The following GART variants were observed in gnomAD, a reference collection of about 807,000 sequenced individuals.
GART encodes phosphoribosylglycinamide formyltransferase, phosphoribosylglycinamide synthetase, phosphoribosylaminoimidazole synthetase, also known as trifunctional purine biosynthetic protein adenosine-3.
GART carries 43 observed loss-of-function variants against 107.2 expected under a neutral mutation model. That is an observed-to-expected ratio of 0.40 (90% CI 0.31 to 0.52). The LOEUF is 0.52. Among genes scored for constraint, GART ranks in the 20% least tolerant of loss-of-function variants. GART has a pLI of 0.52. For missense variants in GART, 1,107 were observed against 1,206.5 expected, an observed-to-expected ratio of 0.92 and a Z score of 1.22; for synonymous variants, 434 against 427.0, an observed-to-expected ratio of 1.02 and a Z score of -0.20.
chr21:33,532,457 C>T lies in GART; in HGVS notation c.417-1G>A. On this transcript the variant is annotated splice_acceptor_variant, in intron 4 of 21. Transcript: ENST00000381815. LOFTEE classifies it high-confidence loss of function. Reference sequence around the variant, plus strand: ...CACAACCAAAGCAGGGAAGTCTGCACTGTAAAGACAGAGTAATCGTCAACA... The same window carrying T: ...CACAACCAAAGCAGGGAAGTCTGCATTGTAAAGACAGAGTAATCGTCAACA... 6.2e-7 allele frequency: 1 copy of T among 1,606,946 alleles called. No individual in the cohort carries two copies. Among genetic ancestry groups the T allele is most frequent in the Non-Finnish European group, 8.5e-7 (1 of 1,174,252 alleles).
intron 8 of GART, 77 bp downstream of exon 8, chr21:33,528,769 AAAAG>A: frequency 1.7e-6 from 2 of 1,205,316 alleles, no homozygotes; most frequent in Admixed American, 2.5e-5. Context: ...AAAAAAAAAA[AAAAG>A]GGAATGGAAA....
At chr21:33,507,773 A>G (rs2145676014) in intron 18 of GART, among the ~76,000 whole-genome samples, 1 of 152,328 alleles carries the variant, frequency 6.6e-6, no homozygotes, top group Non-Finnish European at 1.5e-5. Context: ...CGGAGTTTGC[A>G]GTGAGCCGAG....
intron 10 of GART, among the ~76,000 whole-genome samples, chr21:33,526,954 A>C (rs1055911584): frequency 6.6e-6 from 1 of 152,178 alleles, no homozygotes; most frequent in African/African-American, 2.4e-5. Flanking sequence ...TGTTTTTACA[A>C]CACAAAGCCA....
chr21:33,507,007 T>C (rs2084693874), intron 18 of GART, among the ~76,000 whole-genome samples: 1 of 151,978 alleles, frequency 6.6e-6, no homozygotes, highest in Non-Finnish European at 1.5e-5. Flanking sequence ...TGAAGGGTCC[T>C]CAAAAATTAA....
At chr21:33,520,641 A>G in intron 13 of GART, 79 bp from the exon 14 acceptor site, 1 of 1,244,324 alleles carries the variant, frequency 8.0e-7, no homozygotes, top group Non-Finnish European at 1.1e-6. Flanking sequence ...AGCTGCTCTT[A>G]ACACCTAAAA....
chr21:33,513,020 A>G (rs2084814440), intron 16 of GART, among the ~76,000 whole-genome samples: 1 of 150,918 alleles, frequency 6.6e-6, no homozygotes, highest in Admixed American at 6.6e-5. Flanking sequence ...GGTTCAAGCT[A>G]TTCTCATGCC....
rs2085317738 is a variant in GART, at chr21:33,536,923, C to G, written c.146-1603G>C. Among the ~76,000 whole-genome samples, 3 of 152,162 alleles carry G rather than the reference C, an allele frequency of 2.0e-5. No homozygotes were observed. The South Asian group carries it at 6.2e-4, about 32-fold the overall frequency. ...TTGGACTACAGCTGACTGTGGGTAACTGAAACTGTGGAAAGTAAAATTGTG... is the reference window on the plus strand; with the variant it reads ...TTGGACTACAGCTGACTGTGGGTAAGTGAAACTGTGGAAAGTAAAATTGTG... On this transcript the variant is annotated intron_variant, in intron 2 of 21. Transcript: ENST00000381815.
chr21:33,522,336 C>A, intron 11 of GART, 54 bp from the exon 12 acceptor site: 7 of 1,269,022 alleles, frequency 5.5e-6, no homozygotes, highest in Non-Finnish European at 6.8e-6. Context: ...TTATTTTAAT[C>A]TTAAAATATT....
intron 5 of GART, 94 bp downstream of exon 5, chr21:33,532,251 G>C: frequency 1.2e-6 from 1 of 837,542 alleles, no homozygotes; most frequent in Non-Finnish European, 2.0e-6. Flanking sequence ...TTGCAAAATA[G>C]ATTTTCCTTA....
chr21:33,526,042 T>G (rs2085068260), intron 10 of GART, among the ~76,000 whole-genome samples: 1 of 151,782 alleles, frequency 6.6e-6, no homozygotes, highest in Non-Finnish European at 1.5e-5. Context: ...GCTAATTTTT[T>G]GTATTTTTAG....
intron 18 of GART, among the ~76,000 whole-genome samples, chr21:33,507,595 C>T (rs2084704812): frequency 6.6e-6 from 1 of 152,114 alleles, no homozygotes; most frequent in Non-Finnish European, 1.5e-5. Flanking sequence ...CCAAGGCAGG[C>T]GGATCATACT....
At chr21:33,519,938 A>G (rs2084940707) in intron 14 of GART, among the ~76,000 whole-genome samples, 2 of 151,502 alleles carry the variant, frequency 1.3e-5, no homozygotes, top group South Asian at 4.2e-4. Flanking sequence ...TTGGGCGTAT[A>G]TTATTATTTA....
At chr21:33,528,968 AC>A in intron 7 of GART, 31 bp from the exon 8 acceptor site, 1 of 1,455,444 alleles carries the variant, frequency 6.9e-7, no homozygotes, top group Non-Finnish European at 9.6e-7. Context: ...GTTAAATGTA[AC>A]AGGTAACTTA....
chr21:33,522,369 A>G, intron 11 of GART, 87 bp from the exon 12 acceptor site: 1 of 1,058,832 alleles, frequency 9.4e-7, no homozygotes, highest in Non-Finnish European at 1.4e-6. Context: ...AGATATCCCA[A>G]GTGATTTTCA....
intron 6 of GART, 86 bp from the exon 7 acceptor site, chr21:33,530,970 A>T: frequency 1.6e-6 from 2 of 1,273,694 alleles, no homozygotes; most frequent in South Asian, 1.9e-5. Context: ...ATGTCCCTTA[A>T]TTCTTCTTTG....
At chr21:33,522,811 T>A (rs983646303) in intron 11 of GART, among the ~76,000 whole-genome samples, 2 of 152,164 alleles carry the variant, frequency 1.3e-5, no homozygotes, top group African/African-American at 4.8e-5. Flanking sequence ...CTGGCAACCA[T>A]CTGTTTAAAA....
At chr21:33,513,430 C>T (rs942614020) in intron 16 of GART, among the ~76,000 whole-genome samples, 15 of 151,998 alleles carry the variant, frequency 9.9e-5, no homozygotes, top group African/African-American at 3.4e-4. Flanking sequence ...ATTAGCTGGG[C>T]GTGGAGACGC....
intron 16 of GART, among the ~76,000 whole-genome samples, chr21:33,516,034 G>C (rs1044508792): frequency 6.6e-6 from 1 of 151,796 alleles, no homozygotes; most frequent in Admixed American, 6.6e-5. Context: ...GATCACTTGA[G>C]GTCAGGAATT....
intron 5 of GART, 107 bp from the exon 6 acceptor site, chr21:33,531,664 T>A (rs1569031360): frequency 3.1e-6 from 3 of 955,572 alleles, no homozygotes; most frequent in East Asian, 2.6e-5. Flanking sequence ...TATGAACCAG[T>A]GAGTACTGTA....
Sources: allele counts gnomAD v4.1 joint callset (sites outside exome capture counted in the v4.1 genomes callset), GRCh38; gene constraint gnomAD v4.1.1; transcripts MANE v1.5; gene names NCBI Gene and HGNC (gene_info 2026-07-23, HGNC 2026-07-21).